The following RREB1 variants were observed in gnomAD, a reference collection of about 807,000 sequenced individuals.
RREB1 encodes the protein ras-responsive element-binding protein 1.
RREB1 carries 27 observed loss-of-function variants against 117.8 expected under a neutral mutation model. The observed-to-expected ratio is 0.23, with a 90% CI of 0.17 to 0.32. The LOEUF (loss-of-function observed/expected upper bound fraction) is 0.32. Among genes scored for constraint, RREB1 ranks in the 10% least tolerant of loss-of-function variants. The pLI is 1.00. For missense variants in RREB1, 2,577 were observed against 2,378.2 expected (o/e 1.08, Z -1.74); for synonymous variants, 1,298 against 1,026.7 (o/e 1.26, Z -5.05).
intron 8 of RREB1, chr6:7,216,195 C>G (rs1419806565): frequency 6.6e-6 from 1 of 152,234 alleles, no homozygotes; most frequent in African/African-American, 2.4e-5. Flanking sequence ...GGGCTAGGCA[C>G]AAAACAAGCT....
At chr6:7,113,602 C>T (rs1761254387) in intron 1 of RREB1, among the ~76,000 whole-genome samples, 1 of 152,142 alleles carries the variant, frequency 6.6e-6, no homozygotes, top group Non-Finnish European at 1.5e-5. Context: ...ATGAATCAAA[C>T]TTGGAACCCA....
chr6:7,143,557 AAG>A (rs1561742128), intron 1 of RREB1, among the ~76,000 whole-genome samples: 1 of 152,146 alleles, frequency 6.6e-6, no homozygotes, highest in Admixed American at 6.5e-5. Flanking sequence ...CTCCTGTTGG[AAG>A]AGAGTAAATG....
At chr6:7,142,096 TC>T (rs1299331875) in intron 1 of RREB1, among the ~76,000 whole-genome samples, 1 of 152,040 alleles carries the variant, frequency 6.6e-6, no homozygotes, top group Non-Finnish European at 1.5e-5. Flanking sequence ...GCGCCTGTGA[TC>T]CCAGCTACTC....
At chr6:7,170,137 A>G (rs1247414602) in intron 1 of RREB1, among the ~76,000 whole-genome samples, 1 of 152,180 alleles carries the variant, frequency 6.6e-6, no homozygotes, top group African/African-American at 2.4e-5. Context: ...AGCTTGTGTT[A>G]TTTCTAATAA....
At position 7,211,554 on chromosome 6, in the gene RREB1, T is replaced by A; in HGVS notation, c.571-19T>A. 6.2e-7 allele frequency: 1 copy of A among 1,613,604 alleles called. No homozygotes were observed. On this transcript the variant is annotated intron_variant, in intron 7 of 12. Transcript: ENST00000379938. Reference sequence around the variant, plus strand: ...ATGTGGGAGACCTTCATGACTTCACTTTTTTCCTTTTCCCTCAGATGGTAG... The same window carrying A: ...ATGTGGGAGACCTTCATGACTTCACATTTTTCCTTTTCCCTCAGATGGTAG...
In RREB1 at chr6:7,230,570, A is replaced by G; in HGVS notation, c.2471A>G (p.Tyr824Cys). 1 of 1,602,326 alleles carries G rather than the reference A, an allele frequency of 6.2e-7. No individual in the cohort carries two copies. The highest frequency in any genetic ancestry group is 1.7e-5 in the Admixed American group (1 of 59,034). The change falls in exon 10 of 13, where the codon TAC (tyrosine) becomes TGC (cysteine). Residue 824 changes from tyrosine (Y) to cysteine (C), a missense_variant. Transcript: ENST00000379938. ...GTGCCCGAGCAGGACATCGAGAGCT[A>G]CGTGCTGGCCGCCGACGGCCTGGGC... ...LHVPEQDIES[Y>C]VLAADGLGPA... is the part of the protein sequence containing the mutation.
chr6:7,207,914 T>C (rs1766367215), intron 6 of RREB1, among the ~76,000 whole-genome samples: 1 of 152,200 alleles, frequency 6.6e-6, no homozygotes, highest in Non-Finnish European at 1.5e-5. Flanking sequence ...GAGATGGTTT[T>C]AACAATTAGA....
Position 7,231,050 on chromosome 6 carries a change from G to T in RREB1, c.2951G>T (p.Gly984Val). ...APGPSLPVTL[G>V]PSGILESPMA... The stretch of plus-strand genomic sequence containing the variant: ...GGCCCTTCTCTTCCTGTAACTTTGG[G>T]GCCCAGCGGAATCCTGGAAAGCCCC... The change falls in exon 10 of 13, where the codon GGG becomes GTG. Residue 984 changes from glycine to valine, a missense_variant. Physicochemically the swap from Gly to Val is moderately radical, Grantham distance 109 (BLOSUM62 -3). Coordinates refer to ENST00000379938, the MANE Select transcript of RREB1 (RefSeq NM_001003699.4). 1 of 1,613,826 alleles carries T rather than the reference G, an allele frequency of 6.2e-7. No individual in the cohort carries two copies. Among genetic ancestry groups the T allele is most frequent in the Non-Finnish European group, 8.5e-7 (1 of 1,180,012 alleles).
intron 1 of RREB1, among the ~76,000 whole-genome samples, chr6:7,175,971 G>A (rs917580954): frequency 2.6e-5 from 4 of 152,216 alleles, no homozygotes; most frequent in Non-Finnish European, 5.9e-5. Context: ...AGGCTGGAGT[G>A]CAGTGGTGCA....
At chr6:7,109,312 G>T (rs1298292580) in intron 1 of RREB1, among the ~76,000 whole-genome samples, 3 of 149,550 alleles carry the variant, frequency 2.0e-5, no homozygotes, top group African/African-American at 4.9e-5. Context: ...CCCCCTCCCC[G>T]CTCGCGGTCT....
Position 7,232,218 on chromosome 6 carries a change from G to A in RREB1, c.3808+311G>A, listed in dbSNP as rs560493673. On this transcript the variant is annotated intron_variant, in intron 10 of 12. Transcript: ENST00000379938. Reference sequence around the variant, plus strand: ...CTCATGGCGTCGCCTCATCCCTTCCGGAGGTGGTAGCCAGATTATCTGCTG... The same window carrying A: ...CTCATGGCGTCGCCTCATCCCTTCCAGAGGTGGTAGCCAGATTATCTGCTG... Among the ~76,000 whole-genome samples the A allele has an allele frequency of 9.2e-5, 14 of 152,314 alleles. No homozygotes were observed. The South Asian group carries it at 1.0e-3, about 11-fold the overall frequency.
chr6:7,132,722 G>C (rs537403384), intron 1 of RREB1, among the ~76,000 whole-genome samples: 108 of 151,954 alleles, frequency 7.1e-4, no homozygotes, highest in African/African-American at 2.2e-3. Flanking sequence ...TTTTTTTACA[G>C]GTATAAAATG....
At chr6:7,200,246 G>C (rs1175000346) in intron 6 of RREB1, among the ~76,000 whole-genome samples, 1 of 64,440 alleles carries the variant, frequency 1.6e-5, no homozygotes, top group African/African-American at 1.2e-4. Context: ...GTGTGTATAT[G>C]TGTGTGTGTG....
intron 1 of RREB1, among the ~76,000 whole-genome samples, chr6:7,137,091 C>T (rs1449653392): frequency 6.6e-6 from 1 of 152,212 alleles, no homozygotes; most frequent in Non-Finnish European, 1.5e-5. Flanking sequence ...ACGGGAGTGC[C>T]TCAACATGGG....
chr6:7,174,168 T>TC (rs1554120629), intron 1 of RREB1, among the ~76,000 whole-genome samples: 1 of 150,924 alleles, frequency 6.6e-6, no homozygotes, highest in African/African-American at 2.5e-5. Flanking sequence ...TTTTTTTTTT[T>TC]CTGAAGCATT....
intron 1 of RREB1, among the ~76,000 whole-genome samples, chr6:7,156,715 A>G (rs914874252): frequency 9.9e-5 from 15 of 152,268 alleles, no homozygotes; most frequent in African/African-American, 3.6e-4. Context: ...TGGAAGAAAC[A>G]TAACAGGCTT....
chr6:7,111,531 A>C (rs1055339775), intron 1 of RREB1, among the ~76,000 whole-genome samples: 5 of 152,218 alleles, frequency 3.3e-5, no homozygotes, highest in African/African-American at 1.2e-4. Flanking sequence ...AAGCAGCTAA[A>C]CAGAAGGATG....
At chr6:7,182,338 T>G (rs566039469) in intron 4 of RREB1, among the ~76,000 whole-genome samples, 3 of 152,220 alleles carry the variant, frequency 2.0e-5, no homozygotes, top group Non-Finnish European at 4.4e-5. Context: ...GGATTTTAAC[T>G]CAAGCTTTCT....
rs773855821 is a variant in RREB1 at position 7,181,938 on chromosome 6, G to A, written c.27G>A (p.Leu9=). MTSSSPAG[L]EGSDLSSINT... ...TGACGTCAAGTTCGCCCGCTGGCTT[G>A]GAAGGTTCAGACCTATCTTCCATCA... The change falls in exon 4 of 13, where the codon TTG becomes TTA. Residue 9 remains leucine, a synonymous_variant. Transcript: ENST00000379938. The A allele has an allele frequency of 1.2e-6, 2 of 1,614,130 alleles. No homozygotes were observed. Among genetic ancestry groups the A allele is most frequent in the South Asian group, 2.2e-5 (2 of 91,094 alleles).
Sources: gnomAD v4.1 joint callset for allele counts (sites outside exome capture counted in the v4.1 genomes callset) on GRCh38, gnomAD v4.1.1 for gene constraint, MANE v1.5 for transcripts, NCBI Gene and HGNC (gene_info 2026-07-23, HGNC 2026-07-21) for gene names.